The following NRG3 variants were observed in gnomAD, a reference collection of about 807,000 sequenced individuals.
The protein encoded by NRG3 is pro-neuregulin-3, membrane-bound isoform.
A neutral mutation model predicts 66.9 loss-of-function variants in NRG3; 31 were observed. That is an observed-to-expected ratio of 0.46 (90% CI 0.35 to 0.63). The LOEUF (loss-of-function observed/expected upper bound fraction) is 0.63. Among genes scored for constraint, NRG3 ranks in the 20% least tolerant of loss-of-function variants. The pLI is 0.00. For missense variants in NRG3, 910 were observed against 878.9 expected (o/e 1.04, Z -0.45); for synonymous variants, 393 against 359.4 (o/e 1.09, Z -1.06).
chr10:82,385,362 ATTTTC>A (rs1448928546), intron 2 of NRG3, among the ~76,000 whole-genome samples: 2 of 151,970 alleles, frequency 1.3e-5, no homozygotes, highest in East Asian at 3.8e-4. Flanking sequence ...TATTATACCT[ATTTTC>A]TTCTCAGACA....
intron 1 of NRG3, among the ~76,000 whole-genome samples, chr10:81,920,395 C>A (rs1406057715): frequency 6.6e-6 from 1 of 152,036 alleles, no homozygotes; most frequent in East Asian, 1.9e-4. Context: ...GCCCAGGCAC[C>A]CCTAATCTTA....
At chr10:82,644,100 C>G (rs2050774687) in intron 2 of NRG3, among the ~76,000 whole-genome samples, 1 of 152,106 alleles carries the variant, frequency 6.6e-6, no homozygotes, top group Non-Finnish European at 1.5e-5. Flanking sequence ...GCCTTGTCTG[C>G]CAGCTTTCTA....
chr10:82,229,769 A>C (rs1054666739), intron 1 of NRG3, among the ~76,000 whole-genome samples: 1 of 152,222 alleles, frequency 6.6e-6, no homozygotes, highest in African/African-American at 2.4e-5. Flanking sequence ...CATGAGGATT[A>C]CAATTCAAGT....
chr10:82,916,976 C>G (rs1046844269), intron 4 of NRG3, among the ~76,000 whole-genome samples: 1 of 152,136 alleles, frequency 6.6e-6, no homozygotes, highest in Non-Finnish European at 1.5e-5. Context: ...AAATTTTTCC[C>G]CTTGAATCAG....
chr10:82,566,644 A>G (rs1413455704), intron 2 of NRG3, among the ~76,000 whole-genome samples: 2 of 152,034 alleles, frequency 1.3e-5, no homozygotes, highest in Non-Finnish European at 2.9e-5. Context: ...GCTCTGACGA[A>G]CTTAGATTTG....
chr10:82,348,838 C>T, intron 1 of NRG3, among the ~76,000 whole-genome samples: 1 of 150,916 alleles, frequency 6.6e-6, no homozygotes, highest in Non-Finnish European at 1.5e-5. Context: ...TTGCTGATAC[C>T]CTTTCTTCCA....
At chr10:82,253,513 T>G (rs2077579839) in intron 1 of NRG3, among the ~76,000 whole-genome samples, 1 of 152,194 alleles carries the variant, frequency 6.6e-6, no homozygotes. Context: ...TCCCACCTTT[T>G]ATGCTACCTT....
intron 1 of NRG3, among the ~76,000 whole-genome samples, chr10:82,204,720 G>A (rs1207585016): frequency 1.3e-5 from 2 of 152,130 alleles, no homozygotes; most frequent in Admixed American, 6.6e-5. Context: ...TATAAGAGAT[G>A]TCCTGTAAAT....
intron 1 of NRG3, among the ~76,000 whole-genome samples, chr10:82,098,966 C>T (rs937150708): frequency 4.6e-5 from 7 of 152,052 alleles, no homozygotes; most frequent in Non-Finnish European, 8.8e-5. Context: ...GGGGTTTCAC[C>T]GTGTTAGCCA....
intron 2 of NRG3, among the ~76,000 whole-genome samples, chr10:82,532,616 T>C (rs1335337207): frequency 6.7e-6 from 1 of 148,726 alleles, no homozygotes; most frequent in Non-Finnish European, 1.5e-5. Context: ...TATATAGTAC[T>C]ATATAGAGAG....
intron 1 of NRG3, among the ~76,000 whole-genome samples, chr10:82,034,488 T>A (rs1370859007): frequency 1.3e-5 from 2 of 152,154 alleles, no homozygotes; most frequent in South Asian, 4.1e-4. Flanking sequence ...TCTATATGCA[T>A]GACCTGAAGC....
At position 82,911,344 on chromosome 10, in the gene NRG3, T is replaced by A. The variant is rs191202591; in HGVS notation, c.1055-40125T>A. Among the ~76,000 whole-genome samples the A allele has an allele frequency of 2.0e-5, 3 of 152,228 alleles. No individual in the cohort carries two copies. In the East Asian group the frequency reaches 5.8e-4, roughly 29 times the overall value. On this transcript the variant is annotated intron_variant, in intron 4 of 8. Transcript: ENST00000372141. ...TTTTTTCATTCATGGGTTGTGCCTTTGGCATTATATCTAAAAGCTCAACAC... is the reference window on the plus strand; with the variant it reads ...TTTTTTCATTCATGGGTTGTGCCTTAGGCATTATATCTAAAAGCTCAACAC...
At chr10:81,976,596 A>T (rs1360116160) in intron 1 of NRG3, among the ~76,000 whole-genome samples, 1 of 152,218 alleles carries the variant, frequency 6.6e-6, no homozygotes, top group African/African-American at 2.4e-5. Context: ...TTTTTCAAAG[A>T]ACGTGACATG....
chr10:82,156,601 T>G (rs1321361445), intron 1 of NRG3, among the ~76,000 whole-genome samples: 1 of 151,602 alleles, frequency 6.6e-6, no homozygotes, highest in East Asian at 1.9e-4. Context: ...CAAGGATGTC[T>G]GTAAAAAAAA....
chr10:82,291,268 G>A (rs567542783), intron 1 of NRG3, among the ~76,000 whole-genome samples: 3 of 152,168 alleles, frequency 2.0e-5, no homozygotes, highest in African/African-American at 4.8e-5. Flanking sequence ...AGGAAAAGAC[G>A]TGATTAGATG....
chr10:81,900,757 ATAAT>A (rs1843988441), intron 1 of NRG3, among the ~76,000 whole-genome samples: 2 of 152,346 alleles, frequency 1.3e-5, no homozygotes, highest in Admixed American at 6.5e-5. Context: ...GGTTTCTTAG[ATAAT>A]TGGAGAAAGT....
intron 3 of NRG3, among the ~76,000 whole-genome samples, chr10:82,835,871 C>A (rs1191536719): frequency 1.3e-5 from 2 of 152,066 alleles, no homozygotes; most frequent in African/African-American, 2.4e-5. Flanking sequence ...CAATTCAGTC[C>A]TGTACACTCA....
chr10:82,005,754 A>G (rs1405822134), intron 1 of NRG3, among the ~76,000 whole-genome samples: 1 of 152,170 alleles, frequency 6.6e-6, no homozygotes, highest in East Asian at 1.9e-4. Context: ...AGAGTTTGCA[A>G]CACGTTTAGC....
In NRG3 at chr10:82,539,807, G is replaced by C. The variant is rs538721080; in HGVS notation, c.953+180939G>C. 3.9e-5 allele frequency among the ~76,000 whole-genome samples: 6 copies of C among 151,924 alleles called. No individual in the cohort carries two copies. In the East Asian group the frequency reaches 1.2e-3, roughly 30 times the overall value. On this transcript the variant is annotated intron_variant, in intron 2 of 8. Coordinates refer to ENST00000372141, the MANE Select transcript of NRG3 (RefSeq NM_001010848.4). ...GCCACCACGGCCAGCTAATTTTTTT[G>C]TATTTTAGTAGAGACAGGGTTTCAC...
Sources: gnomAD v4.1 joint callset for allele counts (sites outside exome capture counted in the v4.1 genomes callset) on GRCh38, gnomAD v4.1.1 for gene constraint, MANE v1.5 for transcripts, NCBI Gene and HGNC (gene_info 2026-07-23, HGNC 2026-07-21) for gene names.